The following RUNDC3B variants were observed in gnomAD, a reference collection of about 807,000 sequenced individuals.
RUNDC3B encodes the protein RUN domain-containing protein 3B.
RUNDC3B carries 33 observed loss-of-function variants against 58.4 expected under a neutral mutation model. That is an observed-to-expected ratio of 0.56 (90% CI 0.43 to 0.75). The LOEUF (loss-of-function observed/expected upper bound fraction) is 0.75. RUNDC3B is among the 30% of genes least tolerant of loss of function. The probability of loss-of-function intolerance (pLI) is 0.00; values close to 1 mark genes in which losing one functional copy is unlikely to be tolerated. For missense variants in RUNDC3B, 501 were observed against 535.7 expected, an observed-to-expected ratio of 0.94 and a Z score of 0.64; for synonymous variants, 193 against 195.2, an observed-to-expected ratio of 0.99 and a Z score of 0.10.
intron 4 of RUNDC3B, among the ~76,000 whole-genome samples, chr7:87,734,834 C>A (rs1831827579): frequency 6.6e-6 from 1 of 152,164 alleles, no homozygotes; most frequent in South Asian, 2.1e-4. Flanking sequence ...CTTCATCGTT[C>A]TTGAAAAAAT....
intron 6 of RUNDC3B, among the ~76,000 whole-genome samples, chr7:87,758,974 CT>C (rs1167975681): frequency 6.6e-6 from 1 of 152,056 alleles, no homozygotes; most frequent in Non-Finnish European, 1.5e-5. Flanking sequence ...AATTCCACTG[CT>C]AGGTATATAT....
chr7:87,813,760 G>T (rs904820188), intron 9 of RUNDC3B, among the ~76,000 whole-genome samples: 2 of 151,884 alleles, frequency 1.3e-5, no homozygotes, highest in Admixed American at 1.3e-4. Flanking sequence ...CGGGAGGATC[G>T]TGAGGTCAGG....
rs1419384215 is a variant in RUNDC3B, at chr7:87,770,602, T to C, written c.651T>C (p.Asp217=). ...CCAGTTCTGATAGTATCAGCAGTGA[T>C]GAGGAGGAGCTAAGGACTTTGGGAA... is the stretch of plus-strand genomic sequence containing the variant. ...YIQSSDSISS[D]EEELRTLGSS... is the part of the protein sequence containing the mutation. Residue 217 remains aspartate (D), a synonymous_variant, in exon 7 of 11, where the codon GAT becomes GAC. Coordinates refer to ENST00000394654, the MANE Select transcript of RUNDC3B (RefSeq NM_001134405.2). 6.2e-7 allele frequency: 1 copy of C among 1,613,558 alleles called. No homozygotes were observed. The highest frequency in any genetic ancestry group is 1.1e-5 in the South Asian group (1 of 91,022).
At chr7:87,748,138 C>T (rs1481710896) in intron 6 of RUNDC3B, among the ~76,000 whole-genome samples, 1 of 152,196 alleles carries the variant, frequency 6.6e-6, no homozygotes. Flanking sequence ...GGGCACCCAG[C>T]GAGCTCCCAG....
chr7:87,743,241 C>A (rs962921027), intron 6 of RUNDC3B, among the ~76,000 whole-genome samples: 2 of 152,166 alleles, frequency 1.3e-5, no homozygotes, highest in African/African-American at 2.4e-5. Context: ...GTTGGTTCCA[C>A]GATTTTGCAG....
At chr7:87,716,292 A>G (rs938533735) in intron 4 of RUNDC3B, among the ~76,000 whole-genome samples, 1 of 152,202 alleles carries the variant, frequency 6.6e-6, no homozygotes, top group African/African-American at 2.4e-5. Context: ...TATTCTGAGA[A>G]TATAGAAAGT....
chr7:87,809,708 C>G (rs920513820), intron 9 of RUNDC3B, among the ~76,000 whole-genome samples: 1 of 152,246 alleles, frequency 6.6e-6, no homozygotes, highest in African/African-American at 2.4e-5. Context: ...AACAACTCAT[C>G]CCCAGTTGTT....
chr7:87,737,516 A>G (rs1204982911), intron 4 of RUNDC3B, among the ~76,000 whole-genome samples: 2 of 152,166 alleles, frequency 1.3e-5, no homozygotes, highest in Non-Finnish European at 2.9e-5. Context: ...ATACACATGA[A>G]TGAAGTCTTT....
chr7:87,766,247 A>G (rs768405585), intron 6 of RUNDC3B, among the ~76,000 whole-genome samples: 48 of 152,196 alleles, frequency 3.2e-4, no homozygotes, highest in Admixed American at 2.0e-3. Flanking sequence ...TTGTCAGCCT[A>G]TATCTTTGTG....
intron 4 of RUNDC3B, among the ~76,000 whole-genome samples, chr7:87,719,749 TG>T (rs1332069508): frequency 3.3e-5 from 5 of 151,814 alleles, no homozygotes; most frequent in Non-Finnish European, 7.4e-5. Flanking sequence ...TGCATAGCTC[TG>T]GGATCAATCA....
intron 2 of RUNDC3B, among the ~76,000 whole-genome samples, chr7:87,691,093 A>C (rs1827976279): frequency 6.6e-6 from 1 of 152,152 alleles, no homozygotes; most frequent in South Asian, 2.1e-4. Context: ...GCTGACATGA[A>C]AAATATAGAA....
intron 2 of RUNDC3B, among the ~76,000 whole-genome samples, chr7:87,679,829 T>G (rs750492786): frequency 4.6e-5 from 7 of 150,662 alleles, no homozygotes; most frequent in Middle Eastern, 3.2e-3. Flanking sequence ...AGAATTGAAA[T>G]CATATAAAGT....
At chr7:87,649,473 T>C (rs761773246) in intron 1 of RUNDC3B, among the ~76,000 whole-genome samples, 1 of 152,178 alleles carries the variant, frequency 6.6e-6, no homozygotes, top group Admixed American at 6.5e-5. Flanking sequence ...TAATTTTCTC[T>C]TAAGGGAAAT....
intron 6 of RUNDC3B, among the ~76,000 whole-genome samples, chr7:87,760,357 C>A (rs1387709648): frequency 1.3e-5 from 2 of 152,030 alleles, no homozygotes; most frequent in Admixed American, 6.6e-5. Context: ...AAAAGATATA[C>A]TTGTTAATGA....
intron 6 of RUNDC3B, among the ~76,000 whole-genome samples, chr7:87,750,840 T>G (rs1035906011): frequency 6.6e-6 from 1 of 151,418 alleles, no homozygotes; most frequent in African/African-American, 2.4e-5. Context: ...GCCTGTTCAC[T>G]CTGATGGTAG....
chr7:87,740,309 G>A (rs1041609156), intron 5 of RUNDC3B, among the ~76,000 whole-genome samples: 8 of 151,332 alleles, frequency 5.3e-5, no homozygotes, highest in Non-Finnish European at 7.4e-5. Context: ...GGTATCTTAC[G>A]TCTCTTATGT....
chr7:87,664,404 G>A (rs1171397336), intron 2 of RUNDC3B, among the ~76,000 whole-genome samples: 3 of 152,242 alleles, frequency 2.0e-5, no homozygotes, highest in African/African-American at 7.2e-5. Flanking sequence ...GCAGGAAAAT[G>A]TGATCAATTC....
chr7:87,661,919 T>G (rs1824753895), intron 2 of RUNDC3B, among the ~76,000 whole-genome samples: 1 of 152,106 alleles, frequency 6.6e-6, no homozygotes, highest in Admixed American at 6.6e-5. Flanking sequence ...TATTCATTAT[T>G]GCTTGTCTTT....
intron 7 of RUNDC3B, among the ~76,000 whole-genome samples, chr7:87,774,801 G>A (rs545321610): frequency 6.6e-6 from 1 of 152,244 alleles, no homozygotes; most frequent in East Asian, 1.9e-4. Flanking sequence ...ATATGAGGTG[G>A]TCTCATAAGA....
Sources: gnomAD v4.1 joint callset for allele counts (sites outside exome capture counted in the v4.1 genomes callset) on GRCh38, gnomAD v4.1.1 for gene constraint, MANE v1.5 for transcripts, NCBI Gene and HGNC (gene_info 2026-07-23, HGNC 2026-07-21) for gene names.